Variants in ZNF385D observed in about 807,000 individuals in gnomAD.
ZNF385D encodes the protein zinc finger protein 385D.
ZNF385D carries 15 observed loss-of-function variants against 35.8 expected under a neutral mutation model. The observed-to-expected ratio is 0.42, with a 90% CI of 0.28 to 0.64. The LOEUF (loss-of-function observed/expected upper bound fraction) is 0.64. Ranked by LOEUF, ZNF385D falls within the 30% of genes least tolerant of loss-of-function variation. The probability of loss-of-function intolerance (pLI) is 0.23; values close to 1 mark genes in which losing one functional copy is unlikely to be tolerated. For missense variants in ZNF385D, 474 were observed against 494.6 expected (o/e 0.96, Z 0.39); for synonymous variants, 212 against 186.8 (o/e 1.13, Z -1.10).
intron 1 of ZNF385D, among the ~76,000 whole-genome samples, chr3:21,738,092 C>CA (rs1299452648): frequency 6.6e-6 from 1 of 152,254 alleles, no homozygotes; most frequent in Non-Finnish European, 1.5e-5. Context: ...ATCTCAGCCT[C>CA]AGGCCCCACC....
At chr3:21,961,812 A>T (rs1213897382) in intron 3 of ZNF385D, among the ~76,000 whole-genome samples, 2 of 152,124 alleles carry the variant, frequency 1.3e-5, no homozygotes, top group African/African-American at 4.8e-5. Flanking sequence ...AGTGCACTGG[A>T]TGGGATGGGG....
chr3:22,356,531 A>G (rs930580097), intron 2 of ZNF385D, among the ~76,000 whole-genome samples: 3 of 151,960 alleles, frequency 2.0e-5, no homozygotes, highest in Admixed American at 6.6e-5. Context: ...AGATTCCAGC[A>G]GGTCTTCTGT....
At chr3:21,684,784 A>G (rs575608173) in intron 1 of ZNF385D, among the ~76,000 whole-genome samples, 2 of 152,282 alleles carry the variant, frequency 1.3e-5, no homozygotes, top group South Asian at 4.1e-4. Context: ...TATTCTGAAC[A>G]TATTAGCTAG....
intron 1 of ZNF385D, among the ~76,000 whole-genome samples, chr3:21,747,819 C>T (rs73140813): frequency 0.046 from 7,056 of 152,264 alleles, 525 homozygotes; most frequent in African/African-American, 0.16. Context: ...GGAGAAGTCT[C>T]CCAGCTGCCT....
chr3:21,533,516 A>G (rs1160070809), intron 3 of ZNF385D, among the ~76,000 whole-genome samples: 3 of 152,110 alleles, frequency 2.0e-5, no homozygotes, highest in Admixed American at 6.6e-5. Flanking sequence ...CATTTAATAT[A>G]TAACTATAGC....
chr3:21,997,875 G>GTA (rs1695579053), intron 3 of ZNF385D, among the ~76,000 whole-genome samples: 1 of 33,466 alleles, frequency 3.0e-5, no homozygotes, highest in Admixed American at 2.6e-4. Context: ...GCGCGCGCGT[G>GTA]TGTGTGTGTG....
chr3:21,829,483 G>A (rs1339246292), intron 3 of ZNF385D, among the ~76,000 whole-genome samples: 4 of 152,114 alleles, frequency 2.6e-5, no homozygotes, highest in African/African-American at 9.7e-5. Flanking sequence ...GATGGGCCCT[G>A]ACCATGCACT....
At chr3:21,883,898 C>T (rs545075087) in intron 3 of ZNF385D, among the ~76,000 whole-genome samples, 52 of 151,950 alleles carry the variant, frequency 3.4e-4, no homozygotes, top group Non-Finnish European at 4.7e-4. Flanking sequence ...ACATCTCATC[C>T]GTTTCACTCT....
chr3:21,999,669 T>C (rs1695712154), intron 3 of ZNF385D, among the ~76,000 whole-genome samples: 2 of 151,792 alleles, frequency 1.3e-5, no homozygotes, highest in African/African-American at 4.8e-5. Context: ...TTTATACTAG[T>C]AAGACTTATA....
intron 3 of ZNF385D, among the ~76,000 whole-genome samples, chr3:21,938,291 G>A (rs760915832): frequency 2.0e-5 from 3 of 152,170 alleles, no homozygotes; most frequent in Non-Finnish European, 4.4e-5. Flanking sequence ...TGACACCGGT[G>A]AGCCTGGCAG....
chr3:21,727,169 A>T (rs1310481726), intron 1 of ZNF385D, among the ~76,000 whole-genome samples: 1 of 152,178 alleles, frequency 6.6e-6, no homozygotes, highest in Non-Finnish European at 1.5e-5. Context: ...ACAAAAATTA[A>T]CTCAAAAATG....
At chr3:21,720,942 G>T (rs1056211808) in intron 1 of ZNF385D, among the ~76,000 whole-genome samples, 6 of 152,168 alleles carry the variant, frequency 3.9e-5, no homozygotes, top group African/African-American at 1.2e-4. Context: ...AGATTAACTT[G>T]ATAATGGAGC....
At chr3:22,279,018 C>T (rs1446372451) in intron 2 of ZNF385D, among the ~76,000 whole-genome samples, 2 of 152,078 alleles carry the variant, frequency 1.3e-5, no homozygotes, top group Non-Finnish European at 2.9e-5. Flanking sequence ...CATTCTATGG[C>T]GTCCACTTCC....
chr3:22,279,228 C>A (rs1033759060), intron 2 of ZNF385D, among the ~76,000 whole-genome samples: 10 of 151,864 alleles, frequency 6.6e-5, no homozygotes, highest in Admixed American at 3.3e-4. Context: ...GTGCACTATA[C>A]CCAATGTGTA....
intron 2 of ZNF385D, among the ~76,000 whole-genome samples, chr3:22,175,063 TGGGAAGATATCAGTCTAGTCCATTTCAC>T (rs1694726786): frequency 1.4e-5 from 2 of 143,842 alleles, no homozygotes; most frequent in Non-Finnish European, 3.1e-5. Flanking sequence ...AAGTACTGTA[TGGGAAGATATCAGTCTAGTCCATTTCAC>T]AGAAGGGGAG....
intron 3 of ZNF385D, among the ~76,000 whole-genome samples, chr3:21,988,577 T>C (rs889835885): frequency 2.0e-5 from 3 of 150,522 alleles, no homozygotes; most frequent in Non-Finnish European, 4.5e-5. Context: ...TTCAGAGCTG[T>C]CAGACAGGGA....
intron 1 of ZNF385D, among the ~76,000 whole-genome samples, chr3:21,691,298 G>A (rs2067277464): frequency 6.6e-6 from 1 of 152,016 alleles, no homozygotes; most frequent in Non-Finnish European, 1.5e-5. Context: ...TCCAACCTTA[G>A]CTGCTTCCTC....
At chr3:22,294,826 A>G (rs1702483168) in intron 2 of ZNF385D, among the ~76,000 whole-genome samples, 1 of 152,184 alleles carries the variant, frequency 6.6e-6, no homozygotes, top group Admixed American at 6.5e-5. Flanking sequence ...TTTATAACAA[A>G]GTTACTAAAT....
intron 2 of ZNF385D, among the ~76,000 whole-genome samples, chr3:22,234,344 C>A (rs1415920927): frequency 2.0e-5 from 3 of 152,096 alleles, no homozygotes; most frequent in African/African-American, 7.2e-5. Context: ...AAAGATCACC[C>A]TAGTGCTTTT....
Sources: gnomAD v4.1 joint callset for allele counts (sites outside exome capture counted in the v4.1 genomes callset) on GRCh38, gnomAD v4.1.1 for gene constraint, MANE v1.5 for transcripts, NCBI Gene and HGNC (gene_info 2026-07-23, HGNC 2026-07-21) for gene names.